SDSL: variants seen among roughly 807,000 people sequenced by gnomAD.
SDSL encodes serine dehydratase like, also known as serine dehydratase-like.
Under a neutral mutation model 27.6 loss-of-function variants are expected in SDSL, and 26 were observed. That is an observed-to-expected ratio of 0.94 (90% CI 0.69 to 1.31). The LOEUF (loss-of-function observed/expected upper bound fraction) is 1.31, where lower values mean the gene tolerates loss of function less well. Ranked by LOEUF, SDSL falls within the 50% of genes most tolerant of loss-of-function variation. SDSL has a pLI of 0.00. For synonymous variants in SDSL, 196 were observed against 180.6 expected, an observed-to-expected ratio of 1.09 and a Z score of -0.69; for missense variants, 431 against 423.5, an observed-to-expected ratio of 1.02 and a Z score of -0.16.
At chr12:113,428,198 G>A (rs1314440835) in intron 2 of SDSL, 42 bp downstream of exon 2, 1 of 1,559,528 alleles carries the variant, frequency 6.4e-7, no homozygotes. Context: ...AGGTTGTGCA[G>A]GAGGGAGGGA....
Position 113,429,215 on chromosome 12 carries a change from C to T in SDSL, c.270C>T (p.Ala90=), listed in dbSNP as rs1957888614. 6.2e-7 allele frequency: 1 copy of T among 1,613,802 alleles called. No individual in the cohort carries two copies. The highest frequency in any genetic ancestry group is 1.3e-5 in the African/African-American group (1 of 74,878). ...CTGCTAGGAAGCTGGGCATTCCTGC[C>T]ACCATCGTGCTCCCCGAGAGCACCT... ...AYAARKLGIP[A]TIVLPESTSL... Residue 90 remains alanine, a synonymous_variant, in exon 4 of 8, where the codon GCC becomes GCT. Transcript: ENST00000403593.
chr12:113,430,116 TTCCATCCATCCA>T (rs750497934), intron 4 of SDSL, among the ~76,000 whole-genome samples: 1 of 148,270 alleles, frequency 6.7e-6, no homozygotes, highest in African/African-American at 2.6e-5. Context: ...TCTCCCTTCT[TTCCATCCATCCA>T]TCCATCCATC....
In SDSL at chr12:113,432,309, TCTC is replaced by T. The variant is rs1421282460; in HGVS notation, c.355-1824_355-1822del. Reference sequence around the variant, plus strand: ...CTTTCTTTCTCTCTCTCTCTTTCTGTCTCTCTGTCTCTCTCTCTCTCTGTCTCT... The same window carrying T: ...CTTTCTTTCTCTCTCTCTCTTTCTGTTCTGTCTCTCTCTCTCTCTGTCTCT... On this transcript the variant is annotated intron_variant, in intron 4 of 7. Transcript: ENST00000403593. Among the ~76,000 whole-genome samples the T allele has an allele frequency of 4.0e-3, 605 of 150,762 alleles. 9 individuals are homozygous for T. Among genetic ancestry groups the T allele is most frequent in the African/African-American group, 0.014 (573 of 40,586 alleles).
intron 5 of SDSL, 46 bp from the exon 6 acceptor site, chr12:113,435,283 G>T: frequency 7.4e-7 from 1 of 1,358,250 alleles, no homozygotes; most frequent in South Asian, 1.5e-5. Context: ...CATCTGGGCT[G>T]GGGTCCTCCC....
In SDSL at chr12:113,434,225, A is replaced by T. The variant is rs917434849; in HGVS notation, c.443+3A>T. The stretch of plus-strand genomic sequence containing the variant: ...CCGTTTGACCACCCCCTAATATGGT[A>T]AGGCTGACGCCCCTCTCCCCAGGAG... On this transcript the variant is annotated splice_donor_region_variant and intron_variant, in intron 5 of 7. Coordinates refer to ENST00000403593, the MANE Select transcript of SDSL (RefSeq NM_001304993.2). 1.1e-5 allele frequency: 17 copies of T among 1,606,548 alleles called. No individual in the cohort carries two copies. Among genetic ancestry groups the T allele is most frequent in the Non-Finnish European group, 1.4e-5 (17 of 1,175,096 alleles).
intron 1 of SDSL, among the ~76,000 whole-genome samples, chr12:113,425,284 T>G (rs1447581927): frequency 2.6e-5 from 4 of 152,142 alleles, no homozygotes; most frequent in African/African-American, 7.2e-5. Context: ...CCCATGGGCT[T>G]CTTTCCCCTG....
intron 6 of SDSL, among the ~76,000 whole-genome samples, chr12:113,435,966 C>T (rs1957986198): frequency 6.6e-6 from 1 of 152,054 alleles, no homozygotes; most frequent in African/African-American, 2.4e-5. Flanking sequence ...TAAAAAAATA[C>T]AAAAATTACC....
rs1272299275 is a variant in SDSL at position 113,435,520 on chromosome 12, C to A, written c.635C>A (p.Thr212Lys). Reference sequence around the variant, plus strand: ...GCACACTGCTTCAATGCGGCCATCACAGCCGGCAAGCTGGTCACACTTCCA... The same window carrying A: ...GCACACTGCTTCAATGCGGCCATCAAAGCCGGCAAGCTGGTCACACTTCCA... Reference protein sequence around the residue: ...HGAHCFNAAITAGKLVTLPDI... With the variant: ...HGAHCFNAAIKAGKLVTLPDI... The change falls in exon 6 of 8, where the codon ACA becomes AAA. Residue 212 changes from threonine to lysine, a missense_variant. Coordinates refer to ENST00000403593, the MANE Select transcript of SDSL (RefSeq NM_001304993.2). 1 of 1,613,966 alleles carries A rather than the reference C, an allele frequency of 6.2e-7. No homozygotes were observed. Among genetic ancestry groups the A allele is most frequent in the African/African-American group, 1.3e-5 (1 of 75,050 alleles).
intron 4 of SDSL, among the ~76,000 whole-genome samples, chr12:113,430,488 A>G (rs550306381): frequency 1.3e-5 from 2 of 152,242 alleles, no homozygotes; most frequent in East Asian, 3.9e-4. Flanking sequence ...TCTGCTTTGG[A>G]ATGTGGGGAA....
chr12:113,435,175 C>T lies in SDSL; in HGVS notation c.444-154C>T, dbSNP rs113960801. Among the ~76,000 whole-genome samples the T allele has an allele frequency of 9.0e-3, 1,372 of 152,242 alleles. 11 individuals carry two copies. Among genetic ancestry groups the T allele is most frequent in the South Asian group, 0.02 (94 of 4,816 alleles). Reference sequence around the variant, plus strand: ...TGAAGTAACTGTTGCAGGACTTCCTCTCCCCTCACCGTGGATGGGATGGGG... The same window carrying T: ...TGAAGTAACTGTTGCAGGACTTCCTTTCCCCTCACCGTGGATGGGATGGGG... On this transcript the variant is annotated intron_variant, in intron 5 of 7. Transcript: ENST00000403593.
At chr12:113,424,717 A>T (rs1957828009) in intron 1 of SDSL, among the ~76,000 whole-genome samples, 1 of 151,938 alleles carries the variant, frequency 6.6e-6, no homozygotes, top group African/African-American at 2.4e-5. Flanking sequence ...TCAACAAATG[A>T]CAGATGTTAT....
chr12:113,436,584 C>T (rs888831101), intron 6 of SDSL, among the ~76,000 whole-genome samples, 167 bp from the exon 7 acceptor site: 9 of 152,098 alleles, frequency 5.9e-5, no homozygotes, highest in South Asian at 2.1e-4. Context: ...CCACTGCGCC[C>T]GGCAAGGACA....
chr12:113,436,732 A>C lies in SDSL; in HGVS notation c.672-19A>C. ...CCTGAGCCCCTGGTCTCCCTGCCCC[A>C]CCCTGCTCTATCCTGCAGTGTGGCC... On this transcript the variant is annotated intron_variant, in intron 6 of 7. Coordinates refer to ENST00000403593, the MANE Select transcript of SDSL (RefSeq NM_001304993.2). 1 of 1,583,948 alleles carries C rather than the reference A, an allele frequency of 6.3e-7. No individual in the cohort carries two copies. Among genetic ancestry groups the C allele is most frequent in the Non-Finnish European group, 8.5e-7 (1 of 1,170,210 alleles).
Position 113,438,205 on chromosome 12 carries a change from T to A in SDSL, c.*126T>A. ...CTGTGCAACTGTGCTGGCTGCCTCC[T>A]GAAGGAAGCCCTCCTGGACTGCTTC... On this transcript the variant is annotated 3_prime_UTR_variant, in exon 8 of 8. Transcript: ENST00000403593. 2.5e-6 allele frequency: 2 copies of A among 786,332 alleles called. No homozygotes were observed. The highest frequency in any genetic ancestry group is 1.8e-5 in the South Asian group (1 of 55,222). 48.7% of individuals were successfully genotyped at this position (786,332 alleles called of 1,614,324 possible). A position where few individuals can be genotyped will look rare whatever the true frequency, so the allele number is the denominator to read the frequency against.
rs1463691447 is a variant in SDSL, at chr12:113,428,156, G to A, written c.174G>A (p.Glu58=). The change falls in exon 2 of 8, where the codon GAG becomes GAA. Residue 58 remains glutamate (E), a splice_region_variant and synonymous_variant. Coordinates refer to ENST00000403593, the MANE Select transcript of SDSL (RefSeq NM_001304993.2). ...KIRGIGHFCQ[E]MAKKGCRHLV... ...GGGGCATTGGGCATTTCTGCCAGGA[G>A]GTGAGGGTGTGTGGGAAGGAGGGGA... is the stretch of plus-strand genomic sequence containing the variant. 1 of 1,608,162 alleles carries A rather than the reference G, an allele frequency of 6.2e-7. No individual in the cohort carries two copies. The highest frequency in any genetic ancestry group is 8.5e-7 in the Non-Finnish European group (1 of 1,176,980).
chr12:113,432,990 T>A (rs1378565624), intron 4 of SDSL, among the ~76,000 whole-genome samples: 1 of 152,208 alleles, frequency 6.6e-6, no homozygotes, highest in African/African-American at 2.4e-5. Context: ...CAAATGCAGA[T>A]CTTTTTGGTA....
At chr12:113,437,013 CGTCG>C in intron 7 of SDSL, 138 bp downstream of exon 7, 15 of 817,592 alleles carry the variant, frequency 1.8e-5, no homozygotes, top group South Asian at 2.5e-5. Flanking sequence ...ACTAAGTGCA[CGTCG>C]AGTAGATGGA....
chr12:113,426,353 T>A, intron 1 of SDSL: 1 of 412,854 alleles, frequency 2.4e-6, no homozygotes. Context: ...ACGGATCTGA[T>A]TTGCATCCTG....
In SDSL at chr12:113,435,429, G is replaced by C; in HGVS notation, c.544G>C (p.Val182Leu). The stretch of plus-strand genomic sequence containing the variant: ...TGGGGGTGGGGGTCTCCTGGCCGGG[G>C]TGGTGGCTGGCCTGCTGGAGGTGGG... ...AVGGGGLLAG[V>L]VAGLLEVGWQ... The change falls in exon 6 of 8, where the codon GTG becomes CTG. Residue 182 changes from valine (V) to leucine (L), a missense_variant. Transcript: ENST00000403593. 6.2e-7 allele frequency: 1 copy of C among 1,613,730 alleles called. No homozygotes were observed. The highest frequency in any genetic ancestry group is 8.5e-7 in the Non-Finnish European group (1 of 1,179,844).
Sources: gnomAD v4.1 joint callset for allele counts (sites outside exome capture counted in the v4.1 genomes callset) on GRCh38, gnomAD v4.1.1 for gene constraint, MANE v1.5 for transcripts, NCBI Gene and HGNC (gene_info 2026-07-23, HGNC 2026-07-21) for gene names.